ARHGAP28: variants seen among roughly 807,000 people sequenced by gnomAD.
ARHGAP28 encodes the protein Rho GTPase activating protein 28.
Under a neutral mutation model 90.7 loss-of-function variants are expected in ARHGAP28, and 56 were observed. The observed-to-expected ratio is 0.62, with a 90% CI of 0.50 to 0.77. The LOEUF (loss-of-function observed/expected upper bound fraction) is 0.77. Among genes scored for constraint, ARHGAP28 ranks in the 30% least tolerant of loss-of-function variants. ARHGAP28 has a pLI of 0.00. For missense variants in ARHGAP28, 869 were observed against 900.9 expected, an observed-to-expected ratio of 0.96 and a Z score of 0.45; for synonymous variants, 308 against 323.3, an observed-to-expected ratio of 0.95 and a Z score of 0.51.
At chr18:6,733,524 A>G (rs749044109) in intron 1 of ARHGAP28, among the ~76,000 whole-genome samples, 4 of 152,096 alleles carry the variant, frequency 2.6e-5, no homozygotes, top group Non-Finnish European at 5.9e-5. Context: ...CTCATAATTA[A>G]TTCTATTTTC....
chr18:6,801,031 T>A (rs772900101), intron 1 of ARHGAP28, among the ~76,000 whole-genome samples: 1 of 152,214 alleles, frequency 6.6e-6, no homozygotes, highest in Non-Finnish European at 1.5e-5. Flanking sequence ...AAGTCATGGA[T>A]CGTGCTTGTT....
At chr18:6,730,903 C>T (rs2143091996) in intron 1 of ARHGAP28, among the ~76,000 whole-genome samples, 1 of 152,088 alleles carries the variant, frequency 6.6e-6, no homozygotes, top group South Asian at 2.1e-4. Context: ...TTTAGTTGTG[C>T]GATAATTACT....
chr18:6,820,254 G>A (rs1040372364), intron 1 of ARHGAP28, among the ~76,000 whole-genome samples: 1 of 152,064 alleles, frequency 6.6e-6, no homozygotes, highest in African/African-American at 2.4e-5. Context: ...GGATATTCTT[G>A]ATATGAAAAA....
intron 11 of ARHGAP28, among the ~76,000 whole-genome samples, chr18:6,886,772 T>G (rs535820568): frequency 5.9e-5 from 9 of 152,356 alleles, no homozygotes; most frequent in African/African-American, 1.7e-4. Flanking sequence ...TCTGTGTTCC[T>G]AATACTTATA....
At chr18:6,867,848 G>A (rs1227557065) in intron 5 of ARHGAP28, among the ~76,000 whole-genome samples, 2 of 152,110 alleles carry the variant, frequency 1.3e-5, no homozygotes, top group African/African-American at 2.4e-5. Flanking sequence ...ATCAAATTAT[G>A]TGATGTCAGG....
At chr18:6,836,909 A>T (rs906276724) in intron 2 of ARHGAP28, among the ~76,000 whole-genome samples, 3 of 152,138 alleles carry the variant, frequency 2.0e-5, no homozygotes, top group Non-Finnish European at 2.9e-5. Context: ...TTCATGTTTT[A>T]TCACTTTTTG....
At chr18:6,841,203 C>CTCTCCTCTCTCTCTCTCTCTCTCT (rs754874496) in intron 3 of ARHGAP28, among the ~76,000 whole-genome samples, 1 of 41,972 alleles carries the variant, frequency 2.4e-5, no homozygotes, top group African/African-American at 1.2e-4. Flanking sequence ...CTCTCTCTCT[C>CTCTCCTCTCTCTCTCTCTCTCTCT]CTCTCCTCTC....
chr18:6,775,006 A>G (rs1239920417), intron 1 of ARHGAP28, among the ~76,000 whole-genome samples: 1 of 152,210 alleles, frequency 6.6e-6, no homozygotes, highest in East Asian at 1.9e-4. Flanking sequence ...AGTCTGATCA[A>G]TAGCACGCAG....
intron 3 of ARHGAP28, among the ~76,000 whole-genome samples, chr18:6,846,260 C>A (rs1484056022): frequency 6.6e-6 from 1 of 152,144 alleles, no homozygotes; most frequent in Non-Finnish European, 1.5e-5. Context: ...AAGAATAATT[C>A]CTTTTCCCAC....
chr18:6,904,493 G>C (rs1235648174), intron 16 of ARHGAP28, among the ~76,000 whole-genome samples: 2 of 152,132 alleles, frequency 1.3e-5, no homozygotes, highest in East Asian at 1.9e-4. Context: ...GCTTATGATA[G>C]AAATGAAAGA....
intron 7 of ARHGAP28, among the ~76,000 whole-genome samples, chr18:6,872,768 A>G (rs1049798189): frequency 6.6e-6 from 1 of 152,218 alleles, no homozygotes; most frequent in East Asian, 1.9e-4. Context: ...AATAGAGAAT[A>G]TGTCAGTATC....
intron 7 of ARHGAP28, among the ~76,000 whole-genome samples, chr18:6,872,649 A>G (rs1255569211): frequency 6.6e-6 from 1 of 152,158 alleles, no homozygotes; most frequent in Non-Finnish European, 1.5e-5. Flanking sequence ...ATATAAGAAT[A>G]ATCTTTTGCT....
chr18:6,740,172 A>G (rs898539451), intron 1 of ARHGAP28, among the ~76,000 whole-genome samples: 2 of 152,194 alleles, frequency 1.3e-5, no homozygotes, highest in Non-Finnish European at 2.9e-5. Flanking sequence ...AGAATTCATA[A>G]TGAACATTGA....
intron 4 of ARHGAP28, among the ~76,000 whole-genome samples, chr18:6,853,775 C>T (rs543990361): frequency 3.9e-5 from 6 of 152,240 alleles, no homozygotes; most frequent in African/African-American, 1.4e-4. Flanking sequence ...GTGCCCAGCC[C>T]ATTCAGAAAA....
At chr18:6,895,827 C>G (rs956357248) in intron 15 of ARHGAP28, among the ~76,000 whole-genome samples, 2 of 152,156 alleles carry the variant, frequency 1.3e-5, no homozygotes, top group Non-Finnish European at 2.9e-5. Flanking sequence ...AGACACAGTT[C>G]AAACCATAAC....
chr18:6,801,472 G>C (rs1167850281), intron 1 of ARHGAP28, among the ~76,000 whole-genome samples: 1 of 151,974 alleles, frequency 6.6e-6, no homozygotes, highest in Non-Finnish European at 1.5e-5. Flanking sequence ...CAGTAGTTTT[G>C]GCTATTTCAG....
At chr18:6,754,021 C>A (rs545015667) in intron 1 of ARHGAP28, among the ~76,000 whole-genome samples, 9 of 152,278 alleles carry the variant, frequency 5.9e-5, no homozygotes, top group African/African-American at 2.2e-4. Flanking sequence ...GCAATTATTT[C>A]ATTTGTTCTT....
At chr18:6,839,393 A>C (rs1321187559) in intron 3 of ARHGAP28, among the ~76,000 whole-genome samples, 3 of 147,960 alleles carry the variant, frequency 2.0e-5, no homozygotes, top group African/African-American at 7.5e-5. Flanking sequence ...TCCCGGGTTC[A>C]CGCCATTCTC....
At chr18:6,888,623 T>C (rs993356722) in intron 12 of ARHGAP28, among the ~76,000 whole-genome samples, 1 of 152,216 alleles carries the variant, frequency 6.6e-6, no homozygotes, top group African/African-American at 2.4e-5. Context: ...TTTCGCTTTG[T>C]CTACAGAGTG....
Sources: gnomAD v4.1 joint callset for allele counts (sites outside exome capture counted in the v4.1 genomes callset) on GRCh38, gnomAD v4.1.1 for gene constraint, MANE v1.5 for transcripts, NCBI Gene and HGNC (gene_info 2026-07-23, HGNC 2026-07-21) for gene names.